Variants in GNB4 observed in about 807,000 individuals in gnomAD.
GNB4 encodes the protein guanine nucleotide-binding protein subunit beta-4.
GNB4 carries 28 observed loss-of-function variants against 45.2 expected under a neutral mutation model. The ratio of observed to expected loss-of-function variants is 0.62; its 90% CI spans 0.46 to 0.85. The LOEUF (loss-of-function observed/expected upper bound fraction) is 0.85, where lower values mean the gene tolerates loss of function less well. Ranked by LOEUF, GNB4 falls within the 40% of genes least tolerant of loss-of-function variation. The probability of loss-of-function intolerance (pLI) is 0.00; values close to 1 mark genes in which losing one functional copy is unlikely to be tolerated. For synonymous variants in GNB4, 132 were observed against 143.7 expected (o/e 0.92, Z 0.58); for missense variants, 321 against 425.4 (o/e 0.75, Z 2.16).
chr3:179,492,500 C>T, the GNB4 span, among the ~76,000 whole-genome samples: 8 of 152,184 alleles, frequency 5.3e-5, no homozygotes, highest in Middle Eastern at 3.4e-3. Flanking sequence ...CTGGTACCTC[C>T]TTGAGACCTG....
chr3:179,521,743 C>T, the GNB4 span, among the ~76,000 whole-genome samples: 2 of 152,124 alleles, frequency 1.3e-5, no homozygotes, highest in Non-Finnish European at 2.9e-5. Flanking sequence ...AATTGGATGC[C>T]CTGAGTCCTC....
chr3:179,432,130 G>A (rs1460034307), intron 1 of GNB4, among the ~76,000 whole-genome samples: 19 of 152,212 alleles, frequency 1.2e-4, no homozygotes, highest in South Asian at 2.1e-4. Flanking sequence ...AGCAGGCTCC[G>A]GCTATGTTTG....
At chr3:179,413,910 G>A (rs993643081) in intron 6 of GNB4, 129 bp from the exon 7 acceptor site, 81 of 698,416 alleles carry the variant, frequency 1.2e-4, no homozygotes, top group South Asian at 7.5e-4. Flanking sequence ...ATAGTCTATA[G>A]TTCTACTTTT....
chr3:179,526,731 T>A, the GNB4 span, among the ~76,000 whole-genome samples: 1 of 152,304 alleles, frequency 6.6e-6, no homozygotes, highest in Admixed American at 6.5e-5. Context: ...GTTTTCTTAG[T>A]CTGGTTGTAT....
At chr3:179,527,493 C>T in the GNB4 span, among the ~76,000 whole-genome samples, 118 of 152,258 alleles carry the variant, frequency 7.7e-4, 1 homozygote, top group African/African-American at 2.6e-3. Context: ...AAGAGCTGCA[C>T]TAAATGTTTT....
intron 1 of GNB4, among the ~76,000 whole-genome samples, chr3:179,433,424 TGAGAA>T (rs1391461096): frequency 3.3e-5 from 5 of 151,834 alleles, no homozygotes; most frequent in African/African-American, 1.2e-4. Context: ...ACTGGGGAGA[TGAGAA>T]AAGATCAACT....
the GNB4 span, among the ~76,000 whole-genome samples, chr3:179,487,822 G>A: frequency 2.6e-5 from 4 of 151,988 alleles, no homozygotes; most frequent in Non-Finnish European, 4.4e-5. Context: ...AGGCCAAGGC[G>A]GGCAGATCAC....
intron 1 of GNB4, among the ~76,000 whole-genome samples, chr3:179,427,128 T>C (rs912460770): frequency 1.1e-4 from 17 of 152,118 alleles, no homozygotes; most frequent in African/African-American, 3.6e-4. Flanking sequence ...GGATAGCTCC[T>C]GTCTCTGATT....
chr3:179,396,115 A>C lies in GNB4; in HGVS notation c.*5098T>G, dbSNP rs573790580. The C allele has an allele frequency of 1.3e-5, 2 of 152,338 alleles. No homozygotes were observed. Among genetic ancestry groups the C allele is most frequent in the African/African-American group, 4.8e-5 (2 of 41,588 alleles). The allele number at this position is 152,338 out of a possible 1,614,324, so 9.4% of individuals were successfully genotyped here. On this transcript the variant is annotated 3_prime_UTR_variant, in exon 10 of 10. Coordinates refer to ENST00000232564, the MANE Select transcript of GNB4 (RefSeq NM_021629.4). ...TGGTTAAAAGCACTTTATTGATTAC[A>C]GTATCAATTCACAACATTTCATAAA...
At chr3:179,468,035 A>AAAAAATATATATATAT in the GNB4 span, among the ~76,000 whole-genome samples, 5 of 89,860 alleles carry the variant, frequency 5.6e-5, 1 homozygote, top group African/African-American at 2.0e-4. Flanking sequence ...TGTTGATAAA[A>AAAAAATATATATATAT]ATATATATAT....
chr3:179,412,149 T>C (rs1359006096), intron 8 of GNB4, among the ~76,000 whole-genome samples: 2 of 152,206 alleles, frequency 1.3e-5, no homozygotes, highest in Admixed American at 6.5e-5. Flanking sequence ...TTAGGTAGTT[T>C]TTTTAAATAC....
upstream of GNB4, among the ~76,000 whole-genome samples, chr3:179,453,078 A>G (rs1715924173): frequency 6.6e-6 from 1 of 152,192 alleles, no homozygotes; most frequent in Non-Finnish European, 1.5e-5. Context: ...TCACGAAGGT[A>G]TTGGTAGAGC....
intron 8 of GNB4, among the ~76,000 whole-genome samples, chr3:179,411,189 T>C (rs926425874): frequency 6.6e-6 from 1 of 151,808 alleles, no homozygotes; most frequent in African/African-American, 2.4e-5. Flanking sequence ...AAATGGAAAA[T>C]TTCAGCAACT....
the GNB4 span, among the ~76,000 whole-genome samples, chr3:179,461,631 A>G: frequency 6.6e-6 from 1 of 152,250 alleles, no homozygotes; most frequent in Admixed American, 6.5e-5. Flanking sequence ...TGTCCATGAA[A>G]TCAGACCTAG....
At chr3:179,439,029 G>C (rs1311223112) in intron 1 of GNB4, among the ~76,000 whole-genome samples, 1 of 152,146 alleles carries the variant, frequency 6.6e-6, no homozygotes, top group Non-Finnish European at 1.5e-5. Context: ...GTGGGGACCA[G>C]CAGCATCAGC....
chr3:179,439,847 C>A (rs1715553274), intron 1 of GNB4, among the ~76,000 whole-genome samples: 1 of 152,214 alleles, frequency 6.6e-6, no homozygotes, highest in African/African-American at 2.4e-5. Context: ...AGACCTGCCT[C>A]CCAGGCACAT....
In GNB4 at chr3:179,423,610, C is replaced by T. The variant is rs1323194933; in HGVS notation, c.57+2534G>A. ...CACCCTGGCCAACATGGTGAAACCC[C>T]GTGTCTACTAAAAATACAAAATTAG... On this transcript the variant is annotated intron_variant, in intron 2 of 9. Transcript: ENST00000232564. Among the ~76,000 whole-genome samples the T allele has an allele frequency of 2.0e-5, 3 of 151,816 alleles. No homozygotes were observed. In the East Asian group the frequency reaches 5.8e-4, roughly 29 times the overall value.
the GNB4 span, among the ~76,000 whole-genome samples, chr3:179,474,473 C>G: frequency 6.6e-6 from 1 of 152,222 alleles, no homozygotes; most frequent in African/African-American, 2.4e-5. Context: ...ATCTGCCTGC[C>G]TTGGCCTCCC....
At chr3:179,464,598 G>T in the GNB4 span, 1 of 1,382,696 alleles carries the variant, frequency 7.2e-7, no homozygotes, top group Admixed American at 1.7e-5. Context: ...TCACTCCTAC[G>T]TCCTCAACAA....
Sources: gnomAD v4.1 joint callset for allele counts (sites outside exome capture counted in the v4.1 genomes callset) on GRCh38, gnomAD v4.1.1 for gene constraint, MANE v1.5 for transcripts, NCBI Gene and HGNC (gene_info 2026-07-23, HGNC 2026-07-21) for gene names.